TMEM131: variants seen among roughly 807,000 people sequenced by gnomAD.
TMEM131 encodes 2610524E03Rik.
Under a neutral mutation model 211.6 loss-of-function variants are expected in TMEM131, and 66 were observed. The observed-to-expected ratio is 0.31, with a 90% confidence interval of 0.26 to 0.38. The LOEUF (loss-of-function observed/expected upper bound fraction) is 0.38, where lower values mean the gene tolerates loss of function less well. Among genes scored for constraint, TMEM131 ranks in the 10% least tolerant of loss-of-function variants. The pLI, the probability that TMEM131 is intolerant of heterozygous loss-of-function variation, is 1.00. For missense variants in TMEM131, 2,036 were observed against 2,299.3 expected (o/e 0.89, Z 2.34); for synonymous variants, 844 against 841.3 (o/e 1.00, Z -0.06).
intron 33 of TMEM131, among the ~76,000 whole-genome samples, chr2:97,771,523 G>A (rs1413260408): frequency 1.3e-5 from 2 of 152,122 alleles, no homozygotes; most frequent in African/African-American, 2.4e-5. Flanking sequence ...TAATTTATTC[G>A]ACTTCCTCTG....
chr2:97,943,232 G>A (rs1023475409), intron 1 of TMEM131, among the ~76,000 whole-genome samples: 1 of 151,802 alleles, frequency 6.6e-6, no homozygotes, highest in Non-Finnish European at 1.5e-5. Flanking sequence ...TGGGCAACAA[G>A]GCAAGACCCT....
chr2:97,759,632 A>G lies in TMEM131; in HGVS notation c.5206+20T>C. On this transcript the variant is annotated intron_variant, in intron 39 of 40. Transcript: ENST00000186436. ...CTGTCCACAGGCTTATTAGTTACAC[A>G]TCTAGTGTTAAACACTCACCACCAG... 6.3e-7 allele frequency: 1 copy of G among 1,581,406 alleles called. No individual in the cohort carries two copies.
intron 2 of TMEM131, among the ~76,000 whole-genome samples, chr2:97,926,535 A>T (rs1164150441): frequency 6.6e-6 from 1 of 152,226 alleles, no homozygotes; most frequent in African/African-American, 2.4e-5. Context: ...AATATTAGAC[A>T]TTCTGTAGGA....
chr2:97,778,635 C>T (rs946902612), intron 31 of TMEM131, among the ~76,000 whole-genome samples: 6 of 152,086 alleles, frequency 3.9e-5, no homozygotes, highest in Admixed American at 3.3e-4. Context: ...ATATGCAGTC[C>T]TTCGACTTCT....
intron 3 of TMEM131, among the ~76,000 whole-genome samples, chr2:97,904,045 T>C (rs971255448): frequency 6.6e-6 from 1 of 152,118 alleles, no homozygotes; most frequent in African/African-American, 2.4e-5. Flanking sequence ...GACAAATCAA[T>C]AGTTCTACAT....
chr2:97,972,631 A>C (rs1279294045), intron 1 of TMEM131, among the ~76,000 whole-genome samples: 1 of 152,174 alleles, frequency 6.6e-6, no homozygotes, highest in Non-Finnish European at 1.5e-5. Flanking sequence ...GATCTTGTGA[A>C]TATGCCAAAT....
intron 4 of TMEM131, among the ~76,000 whole-genome samples, chr2:97,870,432 CA>C (rs1050287378): frequency 1.3e-5 from 2 of 151,958 alleles, no homozygotes; most frequent in Admixed American, 1.3e-4. Context: ...ACTGGCTGTC[CA>C]AAGACAGAAG....
intron 4 of TMEM131, among the ~76,000 whole-genome samples, chr2:97,878,907 C>G (rs1674805830): frequency 6.6e-6 from 1 of 152,130 alleles, no homozygotes. Context: ...CTTCTCTGCT[C>G]TCTCCAGCCC....
chr2:97,796,448 T>TTTGGACTGGGAGCACATGATG, intron 27 of TMEM131, 44 bp from the exon 28 acceptor site: 2 of 1,235,684 alleles, frequency 1.6e-6, no homozygotes, highest in Non-Finnish European at 1.1e-6. Flanking sequence ...CTTGCCATCA[T>TTTGGACTGGGAGCACATGATG]GTGCTCCCAG....
Position 97,792,824 on chromosome 2 carries a change from T to C in TMEM131, c.3706A>G (p.Arg1236Gly). 6.2e-7 allele frequency: 1 copy of C among 1,614,044 alleles called. No homozygotes were observed. The highest frequency in any genetic ancestry group is 8.5e-7 in the Non-Finnish European group (1 of 1,179,900). Residue 1236 changes from arginine (R) to glycine (G), a missense_variant, in exon 31 of 41, where the codon AGA (arginine) becomes GGA (glycine). Around this residue, in one of 3 missense-constraint regions of TMEM131, gnomAD observed 1,623 missense variants for 1,805.9 expected, o/e 0.90. Transcript: ENST00000186436. Reference protein sequence around the residue: ...NRNSADVENVRAKNSSSTSSR... With the variant: ...NRNSADVENVGAKNSSSTSSR... Reference sequence around the variant, plus strand: ...GAGGTACTTGAACTGTTTTTGGCTCTGACGTTTTCCACGTCAGCTGAGTTT... The same window carrying C: ...GAGGTACTTGAACTGTTTTTGGCTCCGACGTTTTCCACGTCAGCTGAGTTT...
chr2:97,826,039 G>A (rs1344595687), intron 11 of TMEM131, among the ~76,000 whole-genome samples: 1 of 152,208 alleles, frequency 6.6e-6, no homozygotes, highest in African/African-American at 2.4e-5. Flanking sequence ...AACCAATCGA[G>A]CATGACTGCT....
chr2:97,885,028 G>C (rs971744539), intron 4 of TMEM131, among the ~76,000 whole-genome samples: 1 of 152,090 alleles, frequency 6.6e-6, no homozygotes, highest in African/African-American at 2.4e-5. Flanking sequence ...ACATTGATAC[G>C]GTTTGATTCT....
At chr2:97,852,752 GAAGATAC>G (rs1476763980) in intron 5 of TMEM131, among the ~76,000 whole-genome samples, 5 of 152,204 alleles carry the variant, frequency 3.3e-5, no homozygotes, top group Non-Finnish European at 5.9e-5. Context: ...CCTTCTGTTG[GAAGATAC>G]CATCTAAAGA....
Position 97,812,679 on chromosome 2 carries a change from C to G in TMEM131, c.1688G>C (p.Ser563Thr). ...DFGVLSATEA[S>T]NILFAIINSN... ...GTTTATAATTGCAAATAAAATATTA[C>G]TTGCTTCTGTAGCACTCAGTACTCC... Residue 563 changes from serine to threonine, a missense_variant, in exon 16 of 41, where the codon AGT becomes ACT. Ser to Thr is a moderately conservative substitution (Grantham distance 58). Coordinates refer to ENST00000186436, the MANE Select transcript of TMEM131 (RefSeq NM_015348.2). 1.3e-6 allele frequency: 2 copies of G among 1,598,118 alleles called. No homozygotes were observed. The highest frequency in any genetic ancestry group is 1.7e-6 in the Non-Finnish European group (2 of 1,175,322).
intron 4 of TMEM131, among the ~76,000 whole-genome samples, chr2:97,871,709 C>T (rs1299079787): frequency 1.3e-5 from 2 of 152,192 alleles, no homozygotes; most frequent in African/African-American, 4.8e-5. Context: ...CCCCTGCCCA[C>T]AAAACTATCC....
intron 33 of TMEM131, among the ~76,000 whole-genome samples, 196 bp from the exon 34 acceptor site, chr2:97,766,798 A>T (rs573539817): frequency 6.6e-6 from 1 of 152,246 alleles, no homozygotes; most frequent in Admixed American, 6.5e-5. Flanking sequence ...CCCAGCAGAC[A>T]TTCAGCACTT....
chr2:97,780,062 A>C lies in TMEM131; in HGVS notation c.4145-4044T>G, dbSNP rs182528531. On this transcript the variant is annotated intron_variant, in intron 31 of 40. Coordinates refer to ENST00000186436, the MANE Select transcript of TMEM131 (RefSeq NM_015348.2). ...AACAAACAAAAAACAAACAAACAAA[A>C]AAAAACAAAAACAAAAACAAAAGAA... Among the ~76,000 whole-genome samples the C allele has an allele frequency of 4.5e-4, 69 of 152,180 alleles. 1 individual carries two copies. The highest frequency in any genetic ancestry group is 1.2e-3 in the African/African-American group (50 of 41,516).
At chr2:97,791,981 G>A (rs1275376364) in intron 31 of TMEM131, among the ~76,000 whole-genome samples, 1 of 152,134 alleles carries the variant, frequency 6.6e-6, no homozygotes, top group East Asian at 1.9e-4. Context: ...GATTTGGCCC[G>A]CTAACTGTAG....
At chr2:97,822,162 A>G (rs949235423) in intron 11 of TMEM131, among the ~76,000 whole-genome samples, 2 of 152,116 alleles carry the variant, frequency 1.3e-5, no homozygotes, top group African/African-American at 4.8e-5. Context: ...AGTTTCTCCT[A>G]TAAGAATGAT....
Sources: allele counts gnomAD v4.1 joint callset (sites outside exome capture counted in the v4.1 genomes callset), GRCh38; gene constraint gnomAD v4.1.1; regional missense constraint gnomAD v4.1.1; transcripts MANE v1.5; gene names NCBI Gene and HGNC (gene_info 2026-07-23, HGNC 2026-07-21).